Variants in RSU1 observed in about 807,000 individuals in gnomAD.
RSU1 encodes the protein Ras suppressor protein 1, also known as rsu-1.
A neutral mutation model predicts 31.1 loss-of-function variants in RSU1; 26 were observed. The ratio of observed to expected loss-of-function variants is 0.84; its 90% CI spans 0.61 to 1.16. RSU1 has a LOEUF of 1.16. Among genes scored for constraint, RSU1 ranks in the 50% most tolerant of loss-of-function variants. The probability of loss-of-function intolerance (pLI) is 0.00; values close to 1 mark genes in which losing one functional copy is unlikely to be tolerated. For missense variants in RSU1, 320 were observed against 339.1 expected, an observed-to-expected ratio of 0.94 and a Z score of 0.44; for synonymous variants, 164 against 136.3, an observed-to-expected ratio of 1.20 and a Z score of -1.41.
At chr10:16,781,900 T>A (rs1262154081) in intron 3 of RSU1, 134 bp downstream of exon 3, 1 of 709,260 alleles carries the variant, frequency 1.4e-6, no homozygotes, top group African/African-American at 1.8e-5. Context: ...CATCTTAGTG[T>A]CACCAAAGTA....
chr10:16,724,877 C>G (rs182925793), intron 7 of RSU1, among the ~76,000 whole-genome samples: 1 of 152,280 alleles, frequency 6.6e-6, no homozygotes, highest in East Asian at 1.9e-4. Flanking sequence ...ATGCAACAAT[C>G]GGGATCAATC....
At chr10:16,689,478 A>G (rs956520255) in intron 8 of RSU1, among the ~76,000 whole-genome samples, 1 of 152,250 alleles carries the variant, frequency 6.6e-6, no homozygotes, top group African/African-American at 2.4e-5. Context: ...ATGTACGTCC[A>G]TTACAGCTTG....
intron 8 of RSU1, among the ~76,000 whole-genome samples, chr10:16,643,703 C>G (rs7093918): frequency 1.3e-5 from 2 of 151,828 alleles, no homozygotes; most frequent in East Asian, 3.9e-4. Context: ...ATCTACATAA[C>G]AGACTTGGAA....
chr10:16,662,971 C>CT (rs1449798827), intron 8 of RSU1, among the ~76,000 whole-genome samples: 1 of 128,108 alleles, frequency 7.8e-6, no homozygotes, highest in Non-Finnish European at 1.6e-5. Flanking sequence ...TCTCAGCAAT[C>CT]TTTAAAAAAA....
At chr10:16,632,110 A>G (rs138361214) in intron 8 of RSU1, among the ~76,000 whole-genome samples, 2 of 152,276 alleles carry the variant, frequency 1.3e-5, no homozygotes, top group African/African-American at 4.8e-5. Context: ...TCACCACCAT[A>G]TAGCAACACT....
At chr10:16,649,583 C>T (rs926647941) in intron 8 of RSU1, among the ~76,000 whole-genome samples, 9 of 152,156 alleles carry the variant, frequency 5.9e-5, no homozygotes, top group African/African-American at 1.9e-4. Context: ...AGCGACAAAA[C>T]TGCCAAAGAG....
intron 8 of RSU1, among the ~76,000 whole-genome samples, chr10:16,678,401 A>C (rs1835271023): frequency 6.6e-6 from 1 of 152,214 alleles, no homozygotes; most frequent in African/African-American, 2.4e-5. Flanking sequence ...TTAAGCGAGA[A>C]ACCTTCTCTC....
intron 3 of RSU1, among the ~76,000 whole-genome samples, chr10:16,768,315 T>C (rs1202735051): frequency 2.0e-5 from 3 of 152,242 alleles, no homozygotes; most frequent in South Asian, 2.1e-4. Context: ...TAAAAGGAGA[T>C]GGATTATGAA....
At chr10:16,600,705 G>C (rs1042627083) in intron 8 of RSU1, among the ~76,000 whole-genome samples, 2 of 151,898 alleles carry the variant, frequency 1.3e-5, no homozygotes, top group African/African-American at 4.8e-5. Flanking sequence ...GGGGCTACAG[G>C]TGCAGATCAC....
chr10:16,613,037 ACT>A (rs1285623284), intron 8 of RSU1, among the ~76,000 whole-genome samples: 1 of 151,962 alleles, frequency 6.6e-6, no homozygotes, highest in Non-Finnish European at 1.5e-5. Flanking sequence ...TTCAGTAATA[ACT>A]CTTTGTTCAA....
intron 8 of RSU1, among the ~76,000 whole-genome samples, chr10:16,669,365 G>GT (rs1554765235): frequency 4.0e-5 from 6 of 150,120 alleles, no homozygotes; most frequent in Admixed American, 1.3e-4. Context: ...AACATTTTCT[G>GT]TTTTTTTTCC....
At chr10:16,809,627 T>C (rs1314140220) in intron 2 of RSU1, among the ~76,000 whole-genome samples, 1 of 152,190 alleles carries the variant, frequency 6.6e-6, no homozygotes, top group African/African-American at 2.4e-5. Flanking sequence ...ACAAACTTGC[T>C]ATCCAAAGAA....
chr10:16,616,471 T>C (rs1298147969), intron 8 of RSU1, among the ~76,000 whole-genome samples: 1 of 151,704 alleles, frequency 6.6e-6, no homozygotes, highest in Non-Finnish European at 1.5e-5. Flanking sequence ...CTGAAATGAT[T>C]CCAAATAATA....
intron 8 of RSU1, among the ~76,000 whole-genome samples, chr10:16,624,924 T>G (rs1834129998): frequency 1.3e-5 from 2 of 152,092 alleles, no homozygotes; most frequent in Admixed American, 1.3e-4. Flanking sequence ...CTAATTAATA[T>G]TAGTCACTTT....
At chr10:16,643,869 C>T (rs1011316438) in intron 8 of RSU1, among the ~76,000 whole-genome samples, 2 of 150,108 alleles carry the variant, frequency 1.3e-5, no homozygotes, top group African/African-American at 5.0e-5. Flanking sequence ...TGGATGGCTG[C>T]GTCTGTACTG....
rs1833503304 is a variant in RSU1 at position 16,591,461 on chromosome 10, C to T, written c.*1933G>A. 4 of 152,152 alleles carry T rather than the reference C, an allele frequency of 2.6e-5. No homozygotes were observed. In the South Asian group the frequency reaches 8.3e-4, roughly 32 times the overall value. 9.4% of individuals were successfully genotyped at this position (152,152 alleles called of 1,614,324 possible). ...TTTGCCACCTATCGTCAAACTGCTA[C>T]GGCCTTTCTGGAGCGAAATTTATAT... is the stretch of plus-strand genomic sequence containing the variant. On this transcript the variant is annotated 3_prime_UTR_variant, in exon 9 of 9. Transcript: ENST00000345264.
At position 16,591,484 on chromosome 10, in the gene RSU1, T is replaced by C. The variant is rs548782102; in HGVS notation, c.*1910A>G. On this transcript the variant is annotated 3_prime_UTR_variant, in exon 9 of 9. Coordinates refer to ENST00000345264, the MANE Select transcript of RSU1 (RefSeq NM_012425.4). ...TACGGCCTTTCTGGAGCGAAATTTA[T>C]ATTCCCAGTAGCCATGTGAAAGAAT... The C allele has an allele frequency of 8.2e-4, 125 of 152,350 alleles. No homozygotes were observed. Among genetic ancestry groups the C allele is most frequent in the African/African-American group, 2.9e-3 (121 of 41,582 alleles). 9.4% of individuals were successfully genotyped at this position (152,350 alleles called of 1,614,324 possible).
At chr10:16,611,742 G>A (rs2131468502) in intron 8 of RSU1, among the ~76,000 whole-genome samples, 1 of 152,276 alleles carries the variant, frequency 6.6e-6, no homozygotes, top group South Asian at 2.1e-4. Context: ...AAGCAACGCT[G>A]GTATGACTCA....
intron 7 of RSU1, among the ~76,000 whole-genome samples, chr10:16,705,465 G>A (rs928201436): frequency 1.3e-5 from 2 of 151,766 alleles, no homozygotes; most frequent in Admixed American, 6.6e-5. Flanking sequence ...TTGTTGTTCT[G>A]CTATTTTTGT....
Sources: allele counts gnomAD v4.1 joint callset (sites outside exome capture counted in the v4.1 genomes callset), GRCh38; gene constraint gnomAD v4.1.1; transcripts MANE v1.5; gene names NCBI Gene and HGNC (gene_info 2026-07-23, HGNC 2026-07-21).